The following RNF111 variants were observed in gnomAD, a reference collection of about 807,000 sequenced individuals.
The protein encoded by RNF111 is ring finger protein 111, also known as E3 ubiquitin-protein ligase Arkadia.
RNF111 carries 17 observed loss-of-function variants against 95.1 expected under a neutral mutation model. The observed-to-expected ratio is 0.18, with a 90% CI of 0.12 to 0.27. RNF111 has a LOEUF of 0.27. Among genes scored for constraint, RNF111 ranks in the 10% least tolerant of loss-of-function variants. The pLI is 1.00. For missense variants in RNF111, 1,189 were observed against 1,210.4 expected (o/e 0.98, Z 0.26); for synonymous variants, 440 against 414.8 (o/e 1.06, Z -0.74).
chr15:58,997,807 T>C (rs574902814), intron 1 of RNF111, among the ~76,000 whole-genome samples: 2 of 150,176 alleles, frequency 1.3e-5, no homozygotes, highest in Admixed American at 6.6e-5. Flanking sequence ...AGTGTGAGAC[T>C]CCATCTCAAA....
At chr15:59,040,386 C>T (rs994156923) in intron 2 of RNF111, among the ~76,000 whole-genome samples, 3 of 152,102 alleles carry the variant, frequency 2.0e-5, no homozygotes, top group Admixed American at 6.6e-5. Flanking sequence ...ATGTTAGCCT[C>T]CTCATTTGCT....
intron 1 of RNF111, among the ~76,000 whole-genome samples, chr15:59,006,716 C>T (rs755778922): frequency 2.6e-5 from 4 of 152,260 alleles, no homozygotes; most frequent in South Asian, 4.1e-4. Flanking sequence ...AAGTTACAGA[C>T]GCCAGTGCAT....
chr15:59,021,108 T>C (rs1174908322), intron 1 of RNF111, among the ~76,000 whole-genome samples: 2 of 152,282 alleles, frequency 1.3e-5, no homozygotes, highest in East Asian at 1.9e-4. Flanking sequence ...ATCATTCTTA[T>C]GCCTCTGTGT....
chr15:59,009,878 C>G (rs2039713136), intron 1 of RNF111, among the ~76,000 whole-genome samples: 1 of 152,060 alleles, frequency 6.6e-6, no homozygotes, highest in South Asian at 2.1e-4. Flanking sequence ...ATCACTTGAG[C>G]CCAGGAAGTC....
chr15:59,021,692 T>C (rs1181056332), intron 1 of RNF111, among the ~76,000 whole-genome samples: 2 of 152,216 alleles, frequency 1.3e-5, no homozygotes, highest in African/African-American at 2.4e-5. Context: ...CAAGATTACA[T>C]AGGGGCAGAG....
chr15:59,008,346 T>G (rs1197081235), intron 1 of RNF111, among the ~76,000 whole-genome samples: 5 of 151,966 alleles, frequency 3.3e-5, no homozygotes, highest in Non-Finnish European at 7.4e-5. Flanking sequence ...GCCTCCTGAG[T>G]AGCTGAGACT....
intron 2 of RNF111, among the ~76,000 whole-genome samples, chr15:59,032,400 A>C (rs1454405249): frequency 2.0e-5 from 3 of 152,088 alleles, no homozygotes; most frequent in African/African-American, 7.2e-5. Context: ...AGTTCTAGTC[A>C]CTAAAAAAGA....
Position 59,094,907 on chromosome 15 carries a change from G to A in RNF111, c.*7G>A, listed in dbSNP as rs2079151666. 6.7e-7 allele frequency: 1 copy of A among 1,501,438 alleles called. No individual in the cohort carries two copies. Among genetic ancestry groups the A allele is most frequent in the Non-Finnish European group, 9.3e-7 (1 of 1,077,570 alleles). The allele number at this position is 1,501,438 out of a possible 1,614,324, so 93.0% of individuals were successfully genotyped here. A position where few individuals can be genotyped will look rare whatever the true frequency, so the allele number is the denominator to read the frequency against. Reference sequence around the variant, plus strand: ...GCTGCCAAGTGAAAGTTGACACCATGTTTCAGAACTCTTGCCCTCCCTCTC... The same window carrying A: ...GCTGCCAAGTGAAAGTTGACACCATATTTCAGAACTCTTGCCCTCCCTCTC... On this transcript the variant is annotated 3_prime_UTR_variant, in exon 14 of 14. Coordinates refer to ENST00000348370, the MANE Select transcript of RNF111 (RefSeq NM_017610.8).
Position 59,095,179 on chromosome 15 carries a change from G to T in RNF111, c.*279G>T. Reference sequence around the variant, plus strand: ...TATTGCATTTCTTTGCACATATTATGGGCTTGTGACCCTAAACTTGCAGGC... The same window carrying T: ...TATTGCATTTCTTTGCACATATTATTGGCTTGTGACCCTAAACTTGCAGGC... On this transcript the variant is annotated 3_prime_UTR_variant, in exon 14 of 14. Transcript: ENST00000348370. 1 of 314,582 alleles carries T rather than the reference G, an allele frequency of 3.2e-6. No homozygotes were observed. The highest frequency in any genetic ancestry group is 3.3e-5 in the South Asian group (1 of 30,562). The allele number at this position is 314,582 out of a possible 1,614,324, so 19.5% of individuals were successfully genotyped here.
At chr15:59,091,475 CAT>C (rs1473722448) in intron 12 of RNF111, among the ~76,000 whole-genome samples, 2 of 152,112 alleles carry the variant, frequency 1.3e-5, no homozygotes, top group Non-Finnish European at 2.9e-5. Context: ...ATGATTACCA[CAT>C]AGTTTGCAGA....
chr15:59,065,354 C>G (rs1470289274), intron 5 of RNF111, among the ~76,000 whole-genome samples: 2 of 152,154 alleles, frequency 1.3e-5, no homozygotes, highest in Non-Finnish European at 2.9e-5. Context: ...TCAGAGGATA[C>G]TTTTGCAGTT....
At chr15:59,046,781 G>A (rs1264708695) in intron 2 of RNF111, among the ~76,000 whole-genome samples, 2 of 152,134 alleles carry the variant, frequency 1.3e-5, no homozygotes, top group East Asian at 1.9e-4. Context: ...AAATGAAAAG[G>A]CATGTCACAG....
chr15:59,052,775 A>G (rs183474478), intron 3 of RNF111, among the ~76,000 whole-genome samples: 2 of 152,100 alleles, frequency 1.3e-5, no homozygotes, highest in Admixed American at 1.3e-4. Flanking sequence ...AAATAAAGCT[A>G]TATTGTTGCC....
intron 12 of RNF111, among the ~76,000 whole-genome samples, chr15:59,092,302 TTC>T (rs2079075799): frequency 6.6e-6 from 1 of 152,202 alleles, no homozygotes; most frequent in African/African-American, 2.4e-5. Context: ...GTGAATGAAT[TTC>T]TGTTAAATTT....
Position 59,067,103 on chromosome 15 carries a change from G to C in RNF111, c.1686+20G>C. ...GAACAGGTATGTGGAATTTGAGTCA[G>C]TCTTTCTTTCCTGCCCCTCTTGTCT... On this transcript the variant is annotated intron_variant, in intron 6 of 13. Coordinates refer to ENST00000348370, the MANE Select transcript of RNF111 (RefSeq NM_017610.8). 2 of 1,597,290 alleles carry C rather than the reference G, an allele frequency of 1.3e-6. No individual in the cohort carries two copies. Among genetic ancestry groups the C allele is most frequent in the Non-Finnish European group, 1.7e-6 (2 of 1,167,094 alleles).
In RNF111 at chr15:59,002,753, A is replaced by G. The variant is rs912912778; in HGVS notation, c.-20+14685A>G. Among the ~76,000 whole-genome samples the G allele has an allele frequency of 4.6e-5, 7 of 152,262 alleles. 1 individual carries two copies. The highest frequency in any genetic ancestry group is 3.9e-4 in the Admixed American group (6 of 15,300). ...CCTGATCTGGCCCTGACTACTTCTG[A>G]TGTCATTGTGTGCCATTTCCCTTTC... On this transcript the variant is annotated intron_variant, in intron 1 of 13. Transcript: ENST00000348370.
intron 1 of RNF111, among the ~76,000 whole-genome samples, chr15:58,990,703 A>G (rs2038775308): frequency 6.6e-6 from 1 of 152,126 alleles, no homozygotes; most frequent in Admixed American, 6.6e-5. Context: ...TATTATTGCT[A>G]TTGTTGTCCC....
chr15:59,020,788 A>G (rs1335033241), intron 1 of RNF111, among the ~76,000 whole-genome samples: 1 of 152,164 alleles, frequency 6.6e-6, no homozygotes, highest in East Asian at 1.9e-4. Flanking sequence ...GTCCTCCATA[A>G]TAGAGGAAAG....
chr15:59,039,474 A>T (rs2141847445), intron 2 of RNF111, among the ~76,000 whole-genome samples: 1 of 152,260 alleles, frequency 6.6e-6, no homozygotes, highest in Non-Finnish European at 1.5e-5. Flanking sequence ...TTCACTTTTG[A>T]GTATCATTAT....
Sources: allele counts gnomAD v4.1 joint callset (sites outside exome capture counted in the v4.1 genomes callset), GRCh38; gene constraint gnomAD v4.1.1; transcripts MANE v1.5; gene names NCBI Gene and HGNC (gene_info 2026-07-23, HGNC 2026-07-21).